Variants in SMOC2 observed in about 807,000 individuals in gnomAD.
SMOC2 encodes SPARC-related modular calcium-binding protein 2.
In SMOC2, 39 loss-of-function variants were observed where a neutral mutation model predicts 61.4. The observed-to-expected ratio is 0.64, with a 90% confidence interval of 0.49 to 0.83. The LOEUF is 0.83. Among genes scored for constraint, SMOC2 ranks in the 40% least tolerant of loss-of-function variants. The pLI is 0.00. For synonymous variants in SMOC2, 247 were observed against 239.9 expected, an observed-to-expected ratio of 1.03 and a Z score of -0.27; for missense variants, 556 against 592.9, an observed-to-expected ratio of 0.94 and a Z score of 0.65.
intron 12 of SMOC2, chr6:168,664,944 T>C: frequency 5.2e-6 from 2 of 386,696 alleles, no homozygotes; most frequent in Middle Eastern, 7.6e-4. Flanking sequence ...CAAGCCCCTG[T>C]ATTTGTTGTG....
intron 7 of SMOC2, among the ~76,000 whole-genome samples, chr6:168,554,986 A>T (rs1297082775): frequency 6.6e-6 from 1 of 152,220 alleles, no homozygotes; most frequent in Non-Finnish European, 1.5e-5. Flanking sequence ...CTGTGATATC[A>T]GTGAAAATGA....
Position 168,596,913 on chromosome 6 carries a change from A to G in SMOC2, c.638-1905A>G, listed in dbSNP as rs147401845. Among the ~76,000 whole-genome samples the G allele has an allele frequency of 4.7e-3, 722 of 152,336 alleles. 6 individuals are homozygous for G. The highest frequency in any genetic ancestry group is 0.017 in the African/African-American group (689 of 41,578). On this transcript the variant is annotated intron_variant, in intron 7 of 12. Coordinates refer to ENST00000356284, the MANE Select transcript of SMOC2 (RefSeq NM_001166412.2). ...TCATATGAAATTTCAGTCATTGACA[A>G]ATTTCTTTCTGCTTCTTCTCTTGTT...
At chr6:168,503,707 G>A (rs1031205857) in intron 1 of SMOC2, among the ~76,000 whole-genome samples, 1 of 152,110 alleles carries the variant, frequency 6.6e-6, no homozygotes, top group Non-Finnish European at 1.5e-5. Flanking sequence ...AGAGCCCAGC[G>A]GCACCACCCA....
chr6:168,629,840 A>G (rs537758621), intron 9 of SMOC2, among the ~76,000 whole-genome samples: 15 of 152,216 alleles, frequency 9.9e-5, no homozygotes, highest in South Asian at 2.1e-4. Context: ...GCTCCGCTGA[A>G]GTGTAAGCAT....
intron 1 of SMOC2, among the ~76,000 whole-genome samples, chr6:168,449,005 C>T (rs1177347336): frequency 6.6e-6 from 1 of 152,094 alleles, no homozygotes; most frequent in Non-Finnish European, 1.5e-5. Context: ...AAATCTAACC[C>T]CCATGTTCAG....
intron 1 of SMOC2, among the ~76,000 whole-genome samples, chr6:168,485,109 A>G (rs1415305529): frequency 6.6e-6 from 1 of 152,230 alleles, no homozygotes; most frequent in Non-Finnish European, 1.5e-5. Flanking sequence ...TTTATGTTAT[A>G]TGTATTTTAC....
At chr6:168,577,636 C>T (rs1237582693) in intron 7 of SMOC2, among the ~76,000 whole-genome samples, 2 of 152,194 alleles carry the variant, frequency 1.3e-5, no homozygotes, top group Non-Finnish European at 2.9e-5. Flanking sequence ...TGGACTGGCT[C>T]TATCTGGTCC....
In SMOC2 at chr6:168,442,445, CCGT is replaced by C. The variant is rs57469550; in HGVS notation, c.84+993_84+995del. Among the ~76,000 whole-genome samples the C allele has an allele frequency of 4.1e-3, 624 of 152,370 alleles. 7 individuals carry two copies. Among genetic ancestry groups the C allele is most frequent in the African/African-American group, 0.014 (585 of 41,600 alleles). ...GGGTGTCTGCAGCCCCCAGCTCCAG[CCGT>C]CCTCCTGGGCTTGCAGGGTTTGCAA... On this transcript the variant is annotated intron_variant, in intron 1 of 12. Coordinates refer to ENST00000356284, the MANE Select transcript of SMOC2 (RefSeq NM_001166412.2).
chr6:168,613,090 G>C (rs1424064630), intron 9 of SMOC2, among the ~76,000 whole-genome samples: 1 of 152,152 alleles, frequency 6.6e-6, no homozygotes, highest in African/African-American at 2.4e-5. Context: ...TCTGGGCGTT[G>C]CTTCATTTCA....
At chr6:168,560,495 C>T (rs567360559) in intron 7 of SMOC2, among the ~76,000 whole-genome samples, 3 of 149,526 alleles carry the variant, frequency 2.0e-5, no homozygotes, top group Non-Finnish European at 4.5e-5. Flanking sequence ...ACCTTTCTGG[C>T]CCTGAGATGT....
Position 168,543,655 on chromosome 6 carries a change from A to G in SMOC2, c.494A>G (p.Glu165Gly), listed in dbSNP as rs749841098. Residue 165 changes from glutamate (E) to glycine (G), a missense_variant, in exon 5 of 13, where the codon GAA (glutamate) becomes GGA (glycine). Transcript: ENST00000356284. ...GTAAATGAAAAGTTACCCCAACGCG[A>G]AGGCACAGGAAAAACAGGTAACTAT... is the stretch of plus-strand genomic sequence containing the variant. ...GSVNEKLPQR[E>G]GTGKTDDAAA... 6.2e-7 allele frequency: 1 copy of G among 1,613,928 alleles called. No individual in the cohort carries two copies. The highest frequency in any genetic ancestry group is 1.1e-5 in the South Asian group (1 of 91,038).
intron 1 of SMOC2, among the ~76,000 whole-genome samples, chr6:168,455,725 T>C (rs1036314398): frequency 1.3e-5 from 2 of 152,142 alleles, no homozygotes; most frequent in African/African-American, 4.8e-5. Context: ...TGAGCCATTA[T>C]CTCCTGGAGG....
chr6:168,529,398 G>C lies in SMOC2; in HGVS notation c.463+1671G>C, dbSNP rs139422239. On this transcript the variant is annotated intron_variant, in intron 4 of 12. Coordinates refer to ENST00000356284, the MANE Select transcript of SMOC2 (RefSeq NM_001166412.2). ...CTTGAGAAGACGGTGCTGTCTGTGA[G>C]GGGGGGCAGTGTTTCCACGTCGGGG... Among the ~76,000 whole-genome samples the C allele has an allele frequency of 7.2e-3, 1,098 of 152,292 alleles. 15 individuals carry two copies. Among genetic ancestry groups the C allele is most frequent in the African/African-American group, 0.025 (1,056 of 41,556 alleles).
At chr6:168,540,696 G>C (rs766834312) in intron 4 of SMOC2, among the ~76,000 whole-genome samples, 1 of 152,198 alleles carries the variant, frequency 6.6e-6, no homozygotes, top group Non-Finnish European at 1.5e-5. Context: ...CAGGAACCTT[G>C]AGAAAAGCCC....
At chr6:168,513,783 C>G (rs1783065242) in intron 2 of SMOC2, among the ~76,000 whole-genome samples, 1 of 152,232 alleles carries the variant, frequency 6.6e-6, no homozygotes, top group Non-Finnish European at 1.5e-5. Flanking sequence ...TGATTCAGTT[C>G]AGCACTGGGT....
At chr6:168,516,992 G>A (rs995885247) in intron 2 of SMOC2, among the ~76,000 whole-genome samples, 1 of 152,194 alleles carries the variant, frequency 6.6e-6, no homozygotes, top group Non-Finnish European at 1.5e-5. Flanking sequence ...TTTAGAGACT[G>A]TTCTTTCCGT....
chr6:168,507,103 C>T (rs1323461991), intron 1 of SMOC2, among the ~76,000 whole-genome samples: 1 of 152,128 alleles, frequency 6.6e-6, no homozygotes, highest in African/African-American at 2.4e-5. Flanking sequence ...TTCCAAATGC[C>T]TGGATGCTGG....
intron 1 of SMOC2, among the ~76,000 whole-genome samples, chr6:168,492,090 GTC>G (rs1320836806): frequency 1.3e-5 from 2 of 152,062 alleles, no homozygotes; most frequent in African/African-American, 4.8e-5. Flanking sequence ...ACAAAATAAT[GTC>G]TCCCCAATTT....
At chr6:168,500,029 G>A (rs1439824599) in intron 1 of SMOC2, among the ~76,000 whole-genome samples, 3 of 152,082 alleles carry the variant, frequency 2.0e-5, no homozygotes, top group Admixed American at 1.3e-4. Context: ...AGTCCATGCC[G>A]GGTGCAGTGG....
Sources: allele counts gnomAD v4.1 joint callset (sites outside exome capture counted in the v4.1 genomes callset), GRCh38; gene constraint gnomAD v4.1.1; transcripts MANE v1.5; gene names NCBI Gene and HGNC (gene_info 2026-07-23, HGNC 2026-07-21).